The following ERI3 variants were observed in gnomAD, a reference collection of about 807,000 sequenced individuals.
ERI3 encodes ERI1 exoribonuclease family member 3.
A neutral mutation model predicts 44.4 loss-of-function variants in ERI3; 18 were observed. That is an observed-to-expected ratio of 0.41 (90% CI 0.28 to 0.60). The LOEUF is 0.60. Ranked by LOEUF, ERI3 falls within the 20% of genes least tolerant of loss-of-function variation. The pLI is 0.36. For synonymous variants in ERI3, 183 were observed against 164.8 expected, an observed-to-expected ratio of 1.11 and a Z score of -0.84; for missense variants, 294 against 435.5, an observed-to-expected ratio of 0.68 and a Z score of 2.89.
chr1:44,261,213 G>A (rs976332811), intron 7 of ERI3, among the ~76,000 whole-genome samples: 9 of 152,202 alleles, frequency 5.9e-5, no homozygotes, highest in African/African-American at 9.6e-5. Flanking sequence ...TTTTTGCTCC[G>A]GTTCAGGTAG....
intron 3 of ERI3, among the ~76,000 whole-genome samples, chr1:44,328,407 C>T (rs1448118218): frequency 6.6e-6 from 1 of 152,028 alleles, no homozygotes; most frequent in Non-Finnish European, 1.5e-5. Context: ...GGCCTCCACC[C>T]TTGCCTTTCA....
intron 3 of ERI3, among the ~76,000 whole-genome samples, chr1:44,330,041 C>T (rs534146387): frequency 1.3e-5 from 2 of 152,354 alleles, no homozygotes; most frequent in South Asian, 4.1e-4. Flanking sequence ...CTCTCAAGTA[C>T]TGCATCCGTA....
At chr1:44,352,175 T>C (rs1265635882) in intron 2 of ERI3, among the ~76,000 whole-genome samples, 1 of 152,220 alleles carries the variant, frequency 6.6e-6, no homozygotes, top group East Asian at 1.9e-4. Flanking sequence ...TATGCCTCTT[T>C]AGCTGGTCCC....
At chr1:44,248,600 G>A (rs1181097654) in intron 7 of ERI3, among the ~76,000 whole-genome samples, 1 of 152,130 alleles carries the variant, frequency 6.6e-6, no homozygotes, top group Non-Finnish European at 1.5e-5. Context: ...TGGGAGCTTT[G>A]TGGTGGCTCA....
rs138024403 is a variant in ERI3 at position 44,285,259 on chromosome 1, C to T, written c.759-352G>A. On this transcript the variant is annotated intron_variant, in intron 6 of 8. Transcript: ENST00000372257. ...GGTACTGTTGTCTACATTTTACAGA[C>T]GAGAAAATGAGATGTAGAGAGGTTA... 6.2e-4 allele frequency among the ~76,000 whole-genome samples: 94 copies of T among 152,258 alleles called. 1 individual carries two copies. Among genetic ancestry groups the T allele is most frequent in the East Asian group, 2.3e-3 (12 of 5,186 alleles).
intron 8 of ERI3, among the ~76,000 whole-genome samples, chr1:44,224,057 AT>A (rs1387231674): frequency 6.6e-6 from 1 of 152,142 alleles, no homozygotes; most frequent in African/African-American, 2.4e-5. Context: ...GCCCAAAGAA[AT>A]CTGAGTCATG....
At chr1:44,288,272 C>T (rs1364677356) in intron 6 of ERI3, among the ~76,000 whole-genome samples, 3 of 152,150 alleles carry the variant, frequency 2.0e-5, no homozygotes, top group Non-Finnish European at 2.9e-5. Flanking sequence ...CACTCAGGGG[C>T]TCTAGTCACT....
At chr1:44,301,782 C>A (rs1180030516) in intron 6 of ERI3, among the ~76,000 whole-genome samples, 1 of 152,176 alleles carries the variant, frequency 6.6e-6, no homozygotes, top group Admixed American at 6.5e-5. Flanking sequence ...GAAATTGGGG[C>A]CTTTGGCTAT....
At chr1:44,286,358 G>C (rs901714430) in intron 6 of ERI3, among the ~76,000 whole-genome samples, 6 of 152,172 alleles carry the variant, frequency 3.9e-5, no homozygotes, top group African/African-American at 1.4e-4. Flanking sequence ...TGCTGAGTTT[G>C]AGGTGCCTAG....
At chr1:44,239,515 C>T (rs554914743) in intron 8 of ERI3, among the ~76,000 whole-genome samples, 1 of 152,216 alleles carries the variant, frequency 6.6e-6, no homozygotes, top group Non-Finnish European at 1.5e-5. Context: ...AGCCCAGAGT[C>T]CAGAGCCCAA....
chr1:44,223,600 A>G (rs544585163), intron 8 of ERI3, among the ~76,000 whole-genome samples: 1 of 152,268 alleles, frequency 6.6e-6, no homozygotes, highest in South Asian at 2.1e-4. Flanking sequence ...CATTTCTTCC[A>G]GCAGAAAAGA....
intron 8 of ERI3, chr1:44,230,457 C>G (rs1269238669): frequency 6.6e-6 from 1 of 152,280 alleles, no homozygotes; most frequent in Non-Finnish European, 1.5e-5. Context: ...GCAGCCTCAT[C>G]AGTCTTCTGG....
intron 7 of ERI3, among the ~76,000 whole-genome samples, chr1:44,257,839 C>T (rs1051323785): frequency 3.3e-5 from 5 of 152,202 alleles, no homozygotes; most frequent in South Asian, 4.1e-4. Flanking sequence ...TGGGGCCATT[C>T]CTCCCCAATC....
chr1:44,355,090 C>A lies in ERI3; in HGVS notation c.-64G>T. On this transcript the variant is annotated 5_prime_UTR_variant, in exon 1 of 9. Coordinates refer to ENST00000372257, the MANE Select transcript of ERI3 (RefSeq NM_024066.3). ...CTCCAGGTGCAGGCCCCGACGTCTC[C>A]CTCGGCCTCAGCAAGCGCTCAGGGC... 7.9e-7 allele frequency: 1 copy of A among 1,269,698 alleles called. No homozygotes were observed. The highest frequency in any genetic ancestry group is 1.0e-6 in the Non-Finnish European group (1 of 1,002,266). The allele number at this position is 1,269,698 out of a possible 1,614,324, so 78.7% of individuals were successfully genotyped here.
intron 6 of ERI3, among the ~76,000 whole-genome samples, chr1:44,296,789 T>G (rs2154325944): frequency 6.6e-6 from 1 of 152,306 alleles, no homozygotes; most frequent in South Asian, 2.1e-4. Context: ...ACCAGCTACA[T>G]GCCACTTGTC....
rs1303425094 is a variant in ERI3 at position 44,252,664 on chromosome 1, A to T, written c.832-4626T>A. Among the ~76,000 whole-genome samples the T allele has an allele frequency of 6.6e-6, 1 of 152,208 alleles. No individual in the cohort carries two copies. The highest frequency in any genetic ancestry group is 1.5e-5 in the Non-Finnish European group (1 of 68,038). ...GGGGCTTAGCAGCTGCGACAAGTGT[A>T]TTGGGTTTAATAGATGAAGTAGCCC... On this transcript the variant is annotated intron_variant, in intron 7 of 8. Transcript: ENST00000372257. This position sits in a 1 kb window ranked among gnomAD's most constrained non-coding sequence, Gnocchi z 4.7.
chr1:44,327,222 A>C (rs1646334741), intron 3 of ERI3, among the ~76,000 whole-genome samples: 1 of 152,216 alleles, frequency 6.6e-6, no homozygotes, highest in Non-Finnish European at 1.5e-5. Flanking sequence ...TCACTAAGGA[A>C]GGGCCTAGAA....
intron 6 of ERI3, among the ~76,000 whole-genome samples, chr1:44,307,658 C>T (rs1645867903): frequency 1.3e-5 from 2 of 152,132 alleles, no homozygotes; most frequent in Admixed American, 1.3e-4. Context: ...GATCAGGAGA[C>T]AAAGGTAAAA....
chr1:44,232,339 C>T (rs1291951113), intron 8 of ERI3, among the ~76,000 whole-genome samples: 5 of 152,084 alleles, frequency 3.3e-5, no homozygotes, highest in Non-Finnish European at 7.4e-5. Context: ...AACATTTGAT[C>T]AAATTGTTTC....
Sources: gnomAD v4.1 joint callset for allele counts (sites outside exome capture counted in the v4.1 genomes callset) on GRCh38, gnomAD v4.1.1 for gene constraint, Gnocchi (gnomAD v3.1) non-coding constraint, MANE v1.5 for transcripts, NCBI Gene and HGNC (gene_info 2026-07-23, HGNC 2026-07-21) for gene names.